LHFPL3: variants seen among roughly 807,000 people sequenced by gnomAD.
LHFPL3 encodes the protein LHFPL tetraspan subfamily member 3, also known as LHFPL tetraspan subfamily member 3 protein.
A neutral mutation model predicts 19.3 loss-of-function variants in LHFPL3; 5 were observed. The observed-to-expected ratio is 0.26, with a 90% confidence interval of 0.14 to 0.54. LHFPL3 has a LOEUF of 0.54. LHFPL3 is among the 20% of genes least tolerant of loss of function. The probability of loss-of-function intolerance (pLI) is 0.94; values close to 1 mark genes in which losing one functional copy is unlikely to be tolerated. For synonymous variants in LHFPL3, 133 were observed against 126.2 expected (o/e 1.05, Z -0.36); for missense variants, 249 against 307.4 (o/e 0.81, Z 1.42).
intron 2 of LHFPL3, among the ~76,000 whole-genome samples, chr7:104,824,710 A>T (rs1322605693): frequency 9.8e-6 from 1 of 101,660 alleles, no homozygotes; most frequent in East Asian, 2.4e-4. Context: ...TATTATATAT[A>T]TAATTATATA....
chr7:104,564,029 G>A (rs1411456591), intron 1 of LHFPL3, among the ~76,000 whole-genome samples: 2 of 152,138 alleles, frequency 1.3e-5, no homozygotes, highest in East Asian at 3.8e-4. Flanking sequence ...CAGGCATTAT[G>A]TTAAACACTA....
chr7:104,724,554 G>C (rs147214682), intron 1 of LHFPL3, among the ~76,000 whole-genome samples: 22 of 152,240 alleles, frequency 1.4e-4, no homozygotes, highest in African/African-American at 5.3e-4. Context: ...AAAACTAAAT[G>C]ATGAGAACAC....
intron 1 of LHFPL3, among the ~76,000 whole-genome samples, chr7:104,330,932 A>T (rs997125833): frequency 6.6e-6 from 1 of 152,150 alleles, no homozygotes; most frequent in Admixed American, 6.5e-5. Flanking sequence ...GCTAATTTTA[A>T]TTTTTCTAAG....
At chr7:104,767,743 C>T (rs1296903505) in intron 2 of LHFPL3, among the ~76,000 whole-genome samples, 3 of 152,286 alleles carry the variant, frequency 2.0e-5, no homozygotes, top group South Asian at 4.1e-4. Flanking sequence ...ACCAAATCCA[C>T]GGGTTGGCTT....
At chr7:104,567,704 C>A (rs961053857) in intron 1 of LHFPL3, among the ~76,000 whole-genome samples, 5 of 152,190 alleles carry the variant, frequency 3.3e-5, no homozygotes, top group Non-Finnish European at 7.3e-5. Flanking sequence ...AAGGGGACTT[C>A]TTTCCTTTCG....
In LHFPL3 at chr7:104,343,827, G is replaced by A. The variant is rs139576827; in HGVS notation, c.445+14603G>A. Among the ~76,000 whole-genome samples, 97 of 151,940 alleles carry A rather than the reference G, an allele frequency of 6.4e-4. 1 individual carries two copies. Among genetic ancestry groups the A allele is most frequent in the African/African-American group, 2.1e-3 (85 of 41,446 alleles). On this transcript the variant is annotated intron_variant, in intron 1 of 2. Coordinates refer to ENST00000424859, the MANE Select transcript of LHFPL3 (RefSeq NM_199000.3). ...TGATTACATCCCCTCTCACCTAGAA[G>A]TATCCACTTTCTTGAGTCTTGAGTT...
intron 1 of LHFPL3, among the ~76,000 whole-genome samples, chr7:104,430,370 G>GTATA (rs1296589956): frequency 4.9e-5 from 3 of 61,426 alleles, no homozygotes; most frequent in Admixed American, 2.6e-4. Context: ...ATTTCTGTGG[G>GTATA]TATATATATA....
chr7:104,590,611 T>C (rs890050397), intron 1 of LHFPL3, among the ~76,000 whole-genome samples: 10 of 152,246 alleles, frequency 6.6e-5, no homozygotes. Context: ...TGGAGAGTTC[T>C]GTAATTGTCT....
rs74301009 is a variant in LHFPL3, at chr7:104,607,324, G to A, written c.446-129351G>A. Among the ~76,000 whole-genome samples, 624 of 152,302 alleles carry A rather than the reference G, an allele frequency of 4.1e-3. 35 individuals are homozygous for A. In the East Asian group the frequency reaches 0.1, roughly 24 times the overall value. On this transcript the variant is annotated intron_variant, in intron 1 of 2. Transcript: ENST00000424859. ...GATTTTTTCTCACTGTCATAATTTT[G>A]TAAATGGAGTTTCAATCACAGAGGA...
chr7:104,404,899 C>G (rs1791386455), intron 1 of LHFPL3, among the ~76,000 whole-genome samples: 1 of 152,144 alleles, frequency 6.6e-6, no homozygotes, highest in Non-Finnish European at 1.5e-5. Context: ...TCCATGTAAA[C>G]TTTATACATT....
intron 2 of LHFPL3, among the ~76,000 whole-genome samples, chr7:104,822,044 G>A (rs756060346): frequency 3.3e-5 from 5 of 152,194 alleles, no homozygotes; most frequent in South Asian, 2.1e-4. Flanking sequence ...ACCAGGAAGC[G>A]GAAAGGAGGG....
intron 1 of LHFPL3, among the ~76,000 whole-genome samples, chr7:104,456,753 T>C (rs1792549380): frequency 6.6e-6 from 1 of 152,200 alleles, no homozygotes. Flanking sequence ...GATACTGTGA[T>C]AGTCGATCTG....
At chr7:104,468,530 C>T (rs1584341089) in intron 1 of LHFPL3, among the ~76,000 whole-genome samples, 1 of 151,910 alleles carries the variant, frequency 6.6e-6, no homozygotes, top group South Asian at 2.1e-4. Flanking sequence ...TCATTTGTGC[C>T]CTTGCAAGTG....
chr7:104,454,418 G>C (rs1237108415), intron 1 of LHFPL3, among the ~76,000 whole-genome samples: 1 of 152,126 alleles, frequency 6.6e-6, no homozygotes, highest in South Asian at 2.1e-4. Context: ...GTTGTCACTG[G>C]TCACTCAGAA....
chr7:104,640,377 T>C (rs1791808767), intron 1 of LHFPL3, among the ~76,000 whole-genome samples: 1 of 152,172 alleles, frequency 6.6e-6, no homozygotes, highest in African/African-American at 2.4e-5. Flanking sequence ...TGGTGTTTGG[T>C]TTTCTGTTCC....
intron 1 of LHFPL3, among the ~76,000 whole-genome samples, chr7:104,660,169 T>C (rs1250565531): frequency 6.6e-6 from 1 of 152,106 alleles, no homozygotes; most frequent in African/African-American, 2.4e-5. Context: ...ACCTGGCTAA[T>C]TTTTTGCATT....
intron 2 of LHFPL3, among the ~76,000 whole-genome samples, chr7:104,862,702 G>C (rs1791639109): frequency 6.6e-6 from 1 of 152,152 alleles, no homozygotes; most frequent in East Asian, 1.9e-4. Context: ...CTCAAAGCTA[G>C]ACACAGACCT....
At chr7:104,495,420 G>T (rs937536003) in intron 1 of LHFPL3, among the ~76,000 whole-genome samples, 18 of 152,098 alleles carry the variant, frequency 1.2e-4, no homozygotes, top group Non-Finnish European at 1.8e-4. Context: ...GTCTTGCTCT[G>T]TCGCCCAGGC....
intron 2 of LHFPL3, among the ~76,000 whole-genome samples, chr7:104,867,757 C>T (rs1477137698): frequency 6.6e-6 from 1 of 152,126 alleles, no homozygotes; most frequent in African/African-American, 2.4e-5. Flanking sequence ...ATACCAAAGC[C>T]TGGCAGAGAC....
Sources: gnomAD v4.1 joint callset for allele counts (sites outside exome capture counted in the v4.1 genomes callset) on GRCh38, gnomAD v4.1.1 for gene constraint, MANE v1.5 for transcripts, NCBI Gene and HGNC (gene_info 2026-07-23, HGNC 2026-07-21) for gene names.